The following IRAK1BP1 variants were observed in gnomAD, a reference collection of about 807,000 sequenced individuals.
IRAK1BP1 encodes the protein interleukin 1 receptor associated kinase 1 binding protein 1, also known as interleukin-1 receptor-associated kinase 1-binding protein 1.
IRAK1BP1 carries 24 observed loss-of-function variants against 28.0 expected under a neutral mutation model. The ratio of observed to expected loss-of-function variants is 0.86; its 90% CI spans 0.62 to 1.20. The LOEUF (loss-of-function observed/expected upper bound fraction) is 1.20. IRAK1BP1 is among the 50% of genes most tolerant of loss of function. The pLI, the probability that IRAK1BP1 is intolerant of heterozygous loss-of-function variation, is 0.00. For synonymous variants in IRAK1BP1, 131 were observed against 116.3 expected, an observed-to-expected ratio of 1.13 and a Z score of -0.81; for missense variants, 336 against 316.7, an observed-to-expected ratio of 1.06 and a Z score of -0.46.
the IRAK1BP1 span, among the ~76,000 whole-genome samples, chr6:78,967,161 T>C: frequency 1.1e-4 from 16 of 152,058 alleles, no homozygotes; most frequent in Non-Finnish European, 1.6e-4. Context: ...ATGAAATGAA[T>C]TAAAAATTAG....
At chr6:78,962,737 C>G in the IRAK1BP1 span, among the ~76,000 whole-genome samples, 1 of 152,112 alleles carries the variant, frequency 6.6e-6, no homozygotes. Flanking sequence ...GAGACCAGTA[C>G]AAGCTACCCA....
chr6:78,979,049 G>C, the IRAK1BP1 span, among the ~76,000 whole-genome samples: 2 of 152,066 alleles, frequency 1.3e-5, no homozygotes, highest in African/African-American at 4.8e-5. Context: ...AAAGTATATA[G>C]GAGACTGTGT....
At chr6:78,883,374 A>T (rs1178325380) in intron 1 of IRAK1BP1, among the ~76,000 whole-genome samples, 1 of 152,210 alleles carries the variant, frequency 6.6e-6, no homozygotes, top group African/African-American at 2.4e-5. Context: ...CTAAAATATT[A>T]ACAGTAATGG....
chr6:78,946,616 T>C (rs1001825654), downstream of IRAK1BP1: 36 of 1,454,840 alleles, frequency 2.5e-5, no homozygotes, highest in East Asian at 4.0e-4. Context: ...TTCTGCAATA[T>C]AGGGAATAGT....
intron 4 of IRAK1BP1, chr6:78,941,358 A>AT: frequency 6.5e-7 from 1 of 1,549,106 alleles, no homozygotes; most frequent in Non-Finnish European, 8.7e-7. Context: ...TACACTTAAT[A>AT]TATGGAGTTT....
At chr6:78,972,425 G>T in the IRAK1BP1 span, among the ~76,000 whole-genome samples, 4 of 152,192 alleles carry the variant, frequency 2.6e-5, no homozygotes, top group South Asian at 8.3e-4. Context: ...ACAAAGATGG[G>T]GAAAAAACAG....
At chr6:78,874,690 A>G (rs956088545) in intron 1 of IRAK1BP1, among the ~76,000 whole-genome samples, 4 of 152,208 alleles carry the variant, frequency 2.6e-5, no homozygotes, top group Non-Finnish European at 5.9e-5. Context: ...ATTTCTATTT[A>G]TATTTTGCAT....
At chr6:78,878,389 CT>C (rs1771091339) in intron 1 of IRAK1BP1, among the ~76,000 whole-genome samples, 1 of 152,218 alleles carries the variant, frequency 6.6e-6, no homozygotes. Context: ...CAAACAGGGT[CT>C]GGAGTGGACC....
chr6:78,973,169 A>T, the IRAK1BP1 span, among the ~76,000 whole-genome samples: 1 of 152,222 alleles, frequency 6.6e-6, no homozygotes, highest in Admixed American at 6.5e-5. Flanking sequence ...TTAGACTAAC[A>T]GCGGATCTCT....
At chr6:78,889,193 A>C (rs1169418657) in intron 2 of IRAK1BP1, among the ~76,000 whole-genome samples, 1 of 151,772 alleles carries the variant, frequency 6.6e-6, no homozygotes, top group Non-Finnish European at 1.5e-5. Flanking sequence ...CAAAAATTTC[A>C]TTCCAAAAGG....
At chr6:78,964,732 C>A in the IRAK1BP1 span, among the ~76,000 whole-genome samples, 1 of 152,142 alleles carries the variant, frequency 6.6e-6, no homozygotes, top group East Asian at 1.9e-4. Context: ...ACCTCGTGAT[C>A]CACCTGCCTC....
At chr6:78,924,617 A>C (rs925729642) in intron 4 of IRAK1BP1, among the ~76,000 whole-genome samples, 1 of 152,212 alleles carries the variant, frequency 6.6e-6, no homozygotes, top group African/African-American at 2.4e-5. Flanking sequence ...ACAACAAAAA[A>C]GAGAGGATTT....
intron 2 of IRAK1BP1, among the ~76,000 whole-genome samples, chr6:78,893,046 G>A: frequency 6.6e-6 from 1 of 151,140 alleles, no homozygotes; most frequent in South Asian, 2.1e-4. Flanking sequence ...ATAAACCCAT[G>A]GAGTCAAAAA....
intron 2 of IRAK1BP1, among the ~76,000 whole-genome samples, chr6:78,894,077 G>C (rs1304628892): frequency 6.6e-6 from 1 of 152,152 alleles, no homozygotes; most frequent in Non-Finnish European, 1.5e-5. Flanking sequence ...ATGGTAGATT[G>C]TAATAACTTA....
chr6:78,910,552 G>A (rs1013459658), intron 4 of IRAK1BP1, among the ~76,000 whole-genome samples: 1 of 152,230 alleles, frequency 6.6e-6, no homozygotes, highest in Non-Finnish European at 1.5e-5. Context: ...TAGGTCGTGC[G>A]ATAGCTACAA....
chr6:78,941,618 A>T (rs2127678203), intron 4 of IRAK1BP1, among the ~76,000 whole-genome samples: 1 of 152,298 alleles, frequency 6.6e-6, no homozygotes, highest in South Asian at 2.1e-4. Flanking sequence ...TGGGATGACT[A>T]AAGGTTTCTT....
the IRAK1BP1 span, among the ~76,000 whole-genome samples, chr6:78,978,390 T>C: frequency 6.6e-6 from 1 of 152,118 alleles, no homozygotes; most frequent in Non-Finnish European, 1.5e-5. Context: ...TTCATTCTTA[T>C]AATATTCAGA....
chr6:78,939,276 A>G (rs1320776587), intron 4 of IRAK1BP1: 3 of 151,790 alleles, frequency 2.0e-5, no homozygotes, highest in Non-Finnish European at 3.0e-5. Context: ...CTAATGATGC[A>G]AAAAATAATA....
rs1773253264 is a variant in IRAK1BP1, at chr6:78,935,821, C to CA, written c.*68-9581dup. ...ATGTACTAAGTGCTTTATGTGATGC[C>CA]AAAAAACTTTAAAAAGCAAATAATA... On this transcript the variant is annotated intron_variant and NMD_transcript_variant, in intron 4 of 4. Coordinates refer to the IRAK1BP1 transcript ENST00000606868. 1.3e-5 allele frequency: 11 copies of CA among 846,074 alleles called. No individual in the cohort carries two copies. The African/African-American group carries it at 1.5e-4, about 11-fold the overall frequency. 52.4% of individuals were successfully genotyped at this position (846,074 alleles called of 1,614,324 possible).
Sources: allele counts gnomAD v4.1 joint callset (sites outside exome capture counted in the v4.1 genomes callset), GRCh38; gene constraint gnomAD v4.1.1; transcripts MANE v1.5; gene names NCBI Gene and HGNC (gene_info 2026-07-23, HGNC 2026-07-21).